TBC1D5: variants seen among roughly 807,000 people sequenced by gnomAD.
The protein encoded by TBC1D5 is TBC1 domain family member 5.
A neutral mutation model predicts 100.3 loss-of-function variants in TBC1D5; 75 were observed. That is an observed-to-expected ratio of 0.75 (90% CI 0.62 to 0.91). The LOEUF is 0.91. Among genes scored for constraint, TBC1D5 ranks in the 40% least tolerant of loss-of-function variants. The pLI, the probability that TBC1D5 is intolerant of heterozygous loss-of-function variation, is 0.00. For missense variants in TBC1D5, 910 were observed against 942.4 expected, an observed-to-expected ratio of 0.97 and a Z score of 0.45; for synonymous variants, 323 against 325.6, an observed-to-expected ratio of 0.99 and a Z score of 0.09.
chr3:17,535,511 A>G (rs1045808392), intron 2 of TBC1D5, among the ~76,000 whole-genome samples: 2 of 152,160 alleles, frequency 1.3e-5, no homozygotes, highest in African/African-American at 4.8e-5. Flanking sequence ...TGCGATAGTT[A>G]AGGGCCTGTC....
intron 1 of TBC1D5, among the ~76,000 whole-genome samples, chr3:17,703,772 A>G (rs997847498): frequency 6.6e-6 from 1 of 152,294 alleles, no homozygotes; most frequent in African/African-American, 2.4e-5. Context: ...ATAGAACCCA[A>G]AATTGCTATA....
intron 1 of TBC1D5, among the ~76,000 whole-genome samples, chr3:17,733,532 G>C (rs1035530036): frequency 6.6e-6 from 1 of 152,112 alleles, no homozygotes; most frequent in Admixed American, 6.6e-5. Context: ...TAAAGGAAGA[G>C]AGCTACGTAC....
At chr3:17,213,756 A>G (rs2073269635) in intron 18 of TBC1D5, among the ~76,000 whole-genome samples, 1 of 150,826 alleles carries the variant, frequency 6.6e-6, no homozygotes, top group South Asian at 2.1e-4. Context: ...AAAAAAAAAA[A>G]AAAGAATTTT....
intron 17 of TBC1D5, among the ~76,000 whole-genome samples, chr3:17,227,929 C>T (rs146152105): frequency 2.6e-5 from 4 of 151,252 alleles, no homozygotes; most frequent in Middle Eastern, 3.4e-3. Flanking sequence ...CTTGATCATC[C>T]AGTCTTGGGG....
At chr3:17,432,508 C>A (rs1458095463) in intron 3 of TBC1D5, among the ~76,000 whole-genome samples, 1 of 152,084 alleles carries the variant, frequency 6.6e-6, no homozygotes, top group East Asian at 1.9e-4. Flanking sequence ...GCTAAAAATC[C>A]AGGACCACTC....
chr3:17,405,077 C>A, intron 5 of TBC1D5, 116 bp from the exon 6 acceptor site: 1 of 511,418 alleles, frequency 2.0e-6, no homozygotes, highest in South Asian at 4.3e-5. Context: ...ATTTCATATT[C>A]ATATCATCAT....
chr3:17,455,061 A>G (rs2095026709), intron 3 of TBC1D5, among the ~76,000 whole-genome samples: 1 of 151,234 alleles, frequency 6.6e-6, no homozygotes, highest in Non-Finnish European at 1.5e-5. Context: ...CAAAATACCA[A>G]ATGACATTCC....
chr3:17,619,877 C>T (rs2062505124), intron 2 of TBC1D5, among the ~76,000 whole-genome samples: 1 of 152,194 alleles, frequency 6.6e-6, no homozygotes, highest in African/African-American at 2.4e-5. Context: ...GCCCAAATAT[C>T]CTATGGAAAG....
At chr3:17,572,353 G>T (rs9851302) in intron 2 of TBC1D5, among the ~76,000 whole-genome samples, 12,847 of 150,610 alleles carry the variant, frequency 0.085, 1,177 homozygotes, top group African/African-American at 0.23. Flanking sequence ...CCTCCACTAG[G>T]AAGTCCAAAC....
At chr3:17,439,159 G>A (rs2094591326) in intron 3 of TBC1D5, among the ~76,000 whole-genome samples, 1 of 152,128 alleles carries the variant, frequency 6.6e-6, no homozygotes, top group African/African-American at 2.4e-5. Context: ...GATCCCTCAA[G>A]GTTGAACATC....
At chr3:17,218,788 A>G (rs2073940776) in intron 17 of TBC1D5, among the ~76,000 whole-genome samples, 1 of 151,964 alleles carries the variant, frequency 6.6e-6, no homozygotes, top group Non-Finnish European at 1.5e-5. Flanking sequence ...CTTACTGAGG[A>G]ACTCTTGTAT....
chr3:17,335,600 A>C (rs2087608306), intron 13 of TBC1D5, among the ~76,000 whole-genome samples: 1 of 152,122 alleles, frequency 6.6e-6, no homozygotes, highest in African/African-American at 2.4e-5. Context: ...TGTACACTTA[A>C]TCTGCTTTAA....
intron 1 of TBC1D5, among the ~76,000 whole-genome samples, chr3:17,629,475 G>C (rs892552582): frequency 2.0e-5 from 3 of 152,146 alleles, no homozygotes; most frequent in African/African-American, 7.2e-5. Context: ...TAAAGGTAGA[G>C]GGAGGAAAAA....
intron 2 of TBC1D5, among the ~76,000 whole-genome samples, chr3:17,603,161 T>G (rs541881444): frequency 0.047 from 7,007 of 150,338 alleles, 506 homozygotes; most frequent in African/African-American, 0.16. Flanking sequence ...TTTGGTTTTT[T>G]TTTTTTTTTT....
At chr3:17,494,393 C>G (rs907279337) in intron 3 of TBC1D5, among the ~76,000 whole-genome samples, 1 of 152,188 alleles carries the variant, frequency 6.6e-6, no homozygotes. Context: ...TCAGGAGGCA[C>G]GGAATCAGGA....
chr3:17,249,360 T>C (rs1157855159), intron 16 of TBC1D5, among the ~76,000 whole-genome samples: 1 of 152,246 alleles, frequency 6.6e-6, no homozygotes, highest in Non-Finnish European at 1.5e-5. Flanking sequence ...TGTGTAACTC[T>C]TCCTTTCACT....
At chr3:17,439,059 C>A (rs1219450620) in intron 3 of TBC1D5, among the ~76,000 whole-genome samples, 1 of 151,914 alleles carries the variant, frequency 6.6e-6, no homozygotes, top group East Asian at 1.9e-4. Context: ...TATTCTTTTT[C>A]TTCAGTGCAA....
chr3:17,346,272 A>T (rs990319695), intron 13 of TBC1D5, among the ~76,000 whole-genome samples: 2 of 152,138 alleles, frequency 1.3e-5, no homozygotes, highest in Non-Finnish European at 2.9e-5. Context: ...GGGTACACTG[A>T]ATTATTTTGG....
chr3:17,243,890 G>A (rs985836854), intron 16 of TBC1D5, among the ~76,000 whole-genome samples: 2 of 152,082 alleles, frequency 1.3e-5, no homozygotes, highest in Non-Finnish European at 2.9e-5. Flanking sequence ...CTTTGGTAAT[G>A]CATTAATTTC....
Sources: gnomAD v4.1 joint callset for allele counts (sites outside exome capture counted in the v4.1 genomes callset) on GRCh38, gnomAD v4.1.1 for gene constraint, MANE v1.5 for transcripts, NCBI Gene and HGNC (gene_info 2026-07-23, HGNC 2026-07-21) for gene names.